NWD1: variants seen among roughly 807,000 people sequenced by gnomAD.
NWD1 encodes the protein NACHT domain- and WD repeat-containing protein 1.
In NWD1, 129 loss-of-function variants were observed where a neutral mutation model predicts 135.1. That is an observed-to-expected ratio of 0.96 (90% CI 0.83 to 1.11). The LOEUF (loss-of-function observed/expected upper bound fraction) is 1.11. Ranked by LOEUF, NWD1 falls within the 50% of genes least tolerant of loss-of-function variation. NWD1 has a pLI of 0.00. For missense variants in NWD1, 1,740 were observed against 1,851.3 expected (o/e 0.94, Z 1.10); for synonymous variants, 773 against 786.0 (o/e 0.98, Z 0.28).
In NWD1 at chr19:16,749,925, A is replaced by G. The variant is rs1568350773; in HGVS notation, c.1283A>G (p.Asn428Ser). Residue 428 changes from asparagine (N) to serine (S), a missense_variant, in exon 6 of 19, where the codon AAC becomes AGC. Coordinates refer to ENST00000524140, the MANE Select transcript of NWD1 (RefSeq NM_001007525.5). Reference protein sequence around the residue: ...HTLLHTVSCRNFESLVLLLDA... With the variant: ...HTLLHTVSCRSFESLVLLLDA... ...CTCCTCCACACTGTCTCTTGCAGAA[A>G]CTTCGAGTCTCTCGTGCTCCTGCTG... 6.2e-7 allele frequency: 1 copy of G among 1,613,562 alleles called. No individual in the cohort carries two copies. Among genetic ancestry groups the G allele is most frequent in the South Asian group, 1.1e-5 (1 of 91,078 alleles).
rs1016471771 is a variant in NWD1, at chr19:16,814,952, G to A, written c.4288-76G>A. On this transcript the variant is annotated intron_variant, in intron 18 of 18. Transcript: ENST00000524140. The stretch of plus-strand genomic sequence containing the variant: ...CATAGCAGGAATTTTATTCCATGCA[G>A]CCAACTCTGGAATGTGTAGGATTGG... 81 of 1,338,800 alleles carry A rather than the reference G, an allele frequency of 6.1e-5. 1 individual carries two copies. Among genetic ancestry groups the A allele is most frequent in the Non-Finnish European group, 8.3e-5 (80 of 961,242 alleles). 82.9% of individuals were successfully genotyped at this position (1,338,800 alleles called of 1,614,324 possible).
chr19:16,749,156 G>C lies in NWD1; in HGVS notation c.514G>C (p.Glu172Gln), dbSNP rs1354363232. The C allele has an allele frequency of 2.5e-6, 4 of 1,606,282 alleles. No homozygotes were observed. The highest frequency in any genetic ancestry group is 3.4e-6 in the Non-Finnish European group (4 of 1,175,440). The change falls in exon 6 of 19, where the codon GAG (glutamate) becomes CAG (glutamine). Residue 172 changes from glutamate (E) to glutamine (Q), a missense_variant. Transcript: ENST00000524140. ...TTTGGCAGTCATTGAGTGGGAGATA[G>C]AGCGGAGCCTGCTGAGCTCAGAGGA... The part of the protein sequence containing the change: ...YHRSVIEWEI[E>Q]RSLLSSEDRE...
intron 1 of NWD1, among the ~76,000 whole-genome samples, chr19:16,721,791 T>G (rs1320811374): frequency 1.3e-5 from 2 of 152,122 alleles, no homozygotes; most frequent in African/African-American, 2.4e-5. Context: ...CTCAACTCTA[T>G]TTACTGGGCC....
At chr19:16,764,693 C>A (rs924476016) in intron 9 of NWD1, among the ~76,000 whole-genome samples, 2 of 149,422 alleles carry the variant, frequency 1.3e-5, no homozygotes, top group Non-Finnish European at 3.0e-5. Flanking sequence ...TTCTATCTCC[C>A]TCTCTCTCTC....
Position 16,759,393 on chromosome 19 carries a change from C to T in NWD1, c.1938C>T (p.Pro646=), listed in dbSNP as rs924612837. 9.4e-6 allele frequency: 15 copies of T among 1,589,390 alleles called. No individual in the cohort carries two copies. The highest frequency in any genetic ancestry group is 3.4e-5 in the South Asian group (3 of 88,772). ...TGGGATACTACTTGGCCCGGCGGCC[C>T]GTGGATGGCTTCACCCTCCTGGCCA... is the stretch of plus-strand genomic sequence containing the variant. ...RDLGYYLARR[P]VDGFTLLAIA... Residue 646 remains proline, a synonymous_variant, in exon 7 of 19, where the codon CCC becomes CCT. Coordinates refer to ENST00000524140, the MANE Select transcript of NWD1 (RefSeq NM_001007525.5).
intron 5 of NWD1, 55 bp from the exon 6 acceptor site, chr19:16,749,084 C>A: frequency 7.1e-7 from 1 of 1,404,164 alleles, no homozygotes; most frequent in South Asian, 1.4e-5. Flanking sequence ...CCATTTAGGT[C>A]AGCTGCTGAC....
At chr19:16,736,582 C>A (rs1006663585) in intron 3 of NWD1, 52 bp from the exon 4 acceptor site, 3 of 1,186,648 alleles carry the variant, frequency 2.5e-6, no homozygotes, top group Non-Finnish European at 1.2e-6. Flanking sequence ...ATTGAAAAAA[C>A]AAATCACCTG....
chr19:16,761,208 T>C (rs1003775808), intron 7 of NWD1, among the ~76,000 whole-genome samples: 8 of 152,206 alleles, frequency 5.3e-5, no homozygotes, highest in Non-Finnish European at 1.2e-4. Flanking sequence ...TTCCTTTTCA[T>C]GGCTACATAA....
intron 11 of NWD1, 139 bp downstream of exon 11, chr19:16,773,462 C>T (rs1969487705): frequency 3.0e-6 from 2 of 663,430 alleles, no homozygotes; most frequent in South Asian, 1.9e-5. Flanking sequence ...GAGCCTGCCC[C>T]TGCTGTCTCA....
chr19:16,790,294 T>C (rs1478628687), intron 13 of NWD1, among the ~76,000 whole-genome samples: 3 of 152,146 alleles, frequency 2.0e-5, no homozygotes, highest in Non-Finnish European at 4.4e-5. Context: ...TCATGAGACA[T>C]ATCCTGGCAT....
Position 16,789,144 on chromosome 19 carries a change from A to G in NWD1, c.2894A>G (p.His965Arg). 6.2e-7 allele frequency: 1 copy of G among 1,614,114 alleles called. No individual in the cohort carries two copies. Among genetic ancestry groups the G allele is most frequent in the Non-Finnish European group, 8.5e-7 (1 of 1,180,006 alleles). ...GCTGAACCTCAGATCTGGAACCTTC[A>G]TGTGGATGAGGCACACAAAGTTGTG... The part of the protein sequence containing the change: ...NPAEPQIWNL[H>R]VDEAHKVVYS... The change falls in exon 13 of 19, where the codon CAT (histidine) becomes CGT (arginine). Residue 965 changes from histidine (H) to arginine (R), a missense_variant. By Grantham distance (29) the His-to-Arg change is conservative. Coordinates refer to ENST00000524140, the MANE Select transcript of NWD1 (RefSeq NM_001007525.5).
At chr19:16,731,368 G>T (rs1201273550) in intron 3 of NWD1, 90 bp downstream of exon 3, 1 of 729,996 alleles carries the variant, frequency 1.4e-6, no homozygotes, top group South Asian at 1.7e-5. Flanking sequence ...GTGCAGTGGT[G>T]CGATCTCGGC....
At chr19:16,794,381 A>T (rs1321275627) in intron 14 of NWD1, 82 bp from the exon 15 acceptor site, 7 of 769,812 alleles carry the variant, frequency 9.1e-6, no homozygotes, top group African/African-American at 1.8e-5. Context: ...CAAAAAAAAT[A>T]AAAATTAAAA....
intron 5 of NWD1, among the ~76,000 whole-genome samples, chr19:16,746,136 C>T (rs1968303847): frequency 6.6e-6 from 1 of 151,284 alleles, no homozygotes; most frequent in Non-Finnish European, 1.5e-5. Context: ...GGGTGGATTA[C>T]TTGAGCCCCG....
intron 7 of NWD1, among the ~76,000 whole-genome samples, chr19:16,760,985 A>G (rs1203248261): frequency 3.3e-5 from 5 of 151,988 alleles, no homozygotes; most frequent in African/African-American, 9.7e-5. Context: ...CATCTCCCCA[A>G]AAGGAGACCC....
chr19:16,749,593 A>G lies in NWD1; in HGVS notation c.951A>G (p.Glu317=). Reference sequence around the variant, plus strand: ...TTCAGACCTTCTGCGGACGCCAGGAACTCCTGGCCCGGCTTGGGCAGCAGC... The same window carrying G: ...TTCAGACCTTCTGCGGACGCCAGGAGCTCCTGGCCCGGCTTGGGCAGCAGC... ...EVIQTFCGRQ[E]LLARLGQQLR... Residue 317 remains glutamate, a synonymous_variant, in exon 6 of 19, where the codon GAA becomes GAG. Transcript: ENST00000524140. 6.2e-7 allele frequency: 1 copy of G among 1,612,536 alleles called. No homozygotes were observed. The highest frequency in any genetic ancestry group is 8.5e-7 in the Non-Finnish European group (1 of 1,178,988).
intron 5 of NWD1, among the ~76,000 whole-genome samples, chr19:16,748,517 G>A (rs554755075): frequency 6.6e-6 from 1 of 152,116 alleles, no homozygotes; most frequent in South Asian, 2.1e-4. Flanking sequence ...CTACCCTGAG[G>A]GGTCTTTGAT....
In NWD1 at chr19:16,744,529, C is replaced by T. The variant is rs766624563; in HGVS notation, c.307C>T (p.Leu103=). 2.8e-5 allele frequency: 43 copies of T among 1,535,970 alleles called. No individual in the cohort carries two copies. In the South Asian group the frequency reaches 5.0e-4, roughly 18 times the overall value. Residue 103 remains leucine (L), a synonymous_variant, in exon 5 of 19, where the codon CTG becomes TTG. Transcript: ENST00000524140. ...GACTGCCAGGCCAAGTGACCTGGAG[C>T]TGGTGGCACGATACTTCCAGAGGGA... ...HLTARPSDLE[L]VARYFQRDEN...
chr19:16,755,380 G>A (rs925435707), intron 6 of NWD1, among the ~76,000 whole-genome samples: 4 of 151,674 alleles, frequency 2.6e-5, no homozygotes, highest in African/African-American at 2.4e-5. Flanking sequence ...ACCACACCCA[G>A]TTATTTATTT....
Sources: allele counts gnomAD v4.1 joint callset (sites outside exome capture counted in the v4.1 genomes callset), GRCh38; gene constraint gnomAD v4.1.1; transcripts MANE v1.5; gene names NCBI Gene and HGNC (gene_info 2026-07-23, HGNC 2026-07-21).